Variants in RANBP3 observed in about 807,000 individuals in gnomAD.
RANBP3 encodes the protein ran-binding protein 3.
A neutral mutation model predicts 77.3 loss-of-function variants in RANBP3; 14 were observed. That is an observed-to-expected ratio of 0.18 (90% CI 0.12 to 0.28). RANBP3 has a LOEUF of 0.28. RANBP3 is among the 10% of genes least tolerant of loss of function. The pLI is 1.00. For synonymous variants in RANBP3, 315 were observed against 312.4 expected, an observed-to-expected ratio of 1.01 and a Z score of -0.09; for missense variants, 586 against 752.3, an observed-to-expected ratio of 0.78 and a Z score of 2.59.
chr19:5,947,313 C>CAA (rs74173074), intron 3 of RANBP3, among the ~76,000 whole-genome samples: 868 of 77,828 alleles, frequency 0.011, 11 homozygotes, highest in African/African-American at 0.035. Context: ...GACTCTGTCT[C>CAA]AAAAAAAAAA....
At chr19:5,955,414 T>A (rs1449576692) in intron 2 of RANBP3, among the ~76,000 whole-genome samples, 1 of 152,166 alleles carries the variant, frequency 6.6e-6, no homozygotes, top group Admixed American at 6.5e-5. Flanking sequence ...TACTTGCATT[T>A]TTAAAAATGC....
intron 5 of RANBP3, among the ~76,000 whole-genome samples, chr19:5,940,624 G>A (rs963906096): frequency 3.3e-5 from 5 of 152,220 alleles, no homozygotes; most frequent in East Asian, 1.9e-4. Flanking sequence ...TAACGCATGC[G>A]TGACTTCTGT....
At chr19:5,919,243 C>A (rs1237639988) in intron 14 of RANBP3, among the ~76,000 whole-genome samples, 1 of 152,232 alleles carries the variant, frequency 6.6e-6, no homozygotes, top group Non-Finnish European at 1.5e-5. Context: ...AGGGCCCTGA[C>A]TCTTCTAGAG....
chr19:5,939,879 C>T (rs1002283176), intron 5 of RANBP3, among the ~76,000 whole-genome samples: 5 of 152,244 alleles, frequency 3.3e-5, no homozygotes, highest in South Asian at 4.1e-4. Context: ...CAGGGGCAGC[C>T]GGCAGGGGAG....
Position 5,921,783 on chromosome 19 carries a change from G to A in RANBP3, c.1210-462C>T, listed in dbSNP as rs1336726464. Among the ~76,000 whole-genome samples, 7 of 152,222 alleles carry A rather than the reference G, an allele frequency of 4.6e-5. No individual in the cohort carries two copies. Among genetic ancestry groups the A allele is most frequent in the African/African-American group, 1.7e-4 (7 of 41,466 alleles). On this transcript the variant is annotated intron_variant, in intron 13 of 16. Transcript: ENST00000340578. The surrounding 1 kb of genome is among the most constrained non-coding windows in gnomAD (Gnocchi z 5.3). ...TCACACACAGATCGCACATGAACGT[G>A]CACAGCACCATCATTCACGGTAGCC...
intron 8 of RANBP3, among the ~76,000 whole-genome samples, chr19:5,929,249 C>T (rs910727911): frequency 1.3e-5 from 2 of 152,228 alleles, no homozygotes; most frequent in Admixed American, 6.5e-5. Flanking sequence ...CAAGAGTGAA[C>T]GTGGCTTTTT....
At chr19:5,942,342 G>A (rs1343678889) in intron 3 of RANBP3, among the ~76,000 whole-genome samples, 2 of 152,144 alleles carry the variant, frequency 1.3e-5, no homozygotes, top group Non-Finnish European at 2.9e-5. Flanking sequence ...CAAGAGCTTG[G>A]ATGTTTTGGA....
At chr19:5,971,068 G>A (rs1054333725) in intron 1 of RANBP3, among the ~76,000 whole-genome samples, 3 of 152,240 alleles carry the variant, frequency 2.0e-5, no homozygotes, top group Non-Finnish European at 4.4e-5. Context: ...TCCTGGTCTC[G>A]GGACCCTTTT....
intron 1 of RANBP3, among the ~76,000 whole-genome samples, chr19:5,964,164 C>T (rs1002906540): frequency 9.9e-5 from 15 of 152,208 alleles, no homozygotes; most frequent in African/African-American, 2.4e-4. Flanking sequence ...AGGACAGGGC[C>T]GGTGTCCTGG....
Position 5,941,853 on chromosome 19 carries a change from C to A in RANBP3, c.283-18G>T. The A allele has an allele frequency of 1.2e-6, 2 of 1,612,110 alleles. No individual in the cohort carries two copies. Among genetic ancestry groups the A allele is most frequent in the South Asian group, 1.1e-5 (1 of 90,988 alleles). ...GCTGACCTCTGAAACAAGGAGCACA[C>A]AGCCGGGGTCAGAGGGCATCAGGCT... is the stretch of plus-strand genomic sequence containing the variant. On this transcript the variant is annotated intron_variant, in intron 3 of 16. Transcript: ENST00000340578.
At chr19:5,944,053 A>G (rs2058172495) in intron 3 of RANBP3, among the ~76,000 whole-genome samples, 3 of 152,200 alleles carry the variant, frequency 2.0e-5, no homozygotes, top group Non-Finnish European at 4.4e-5. Context: ...CCTCACCTGG[A>G]AAACAGGGAT....
In RANBP3 at chr19:5,971,733, A is replaced by G. The variant is rs184272746; in HGVS notation, c.22+6328T>C. ...GACACTAAATCCTAAATTACAGACC[A>G]TGAGGTGCTTTATGCTAAGGTTCTA... On this transcript the variant is annotated intron_variant, in intron 1 of 16. Coordinates refer to ENST00000340578, the MANE Select transcript of RANBP3 (RefSeq NM_007322.3). Among the ~76,000 whole-genome samples, 5 of 152,338 alleles carry G rather than the reference A, an allele frequency of 3.3e-5. No homozygotes were observed. The East Asian group carries it at 9.6e-4, about 29-fold the overall frequency.
chr19:5,956,411 T>G (rs1269606629), intron 2 of RANBP3, among the ~76,000 whole-genome samples: 1 of 152,162 alleles, frequency 6.6e-6, no homozygotes, highest in South Asian at 2.1e-4. Context: ...GCCACGTCAT[T>G]AAGCTGTACT....
At position 5,956,020 on chromosome 19, in the gene RANBP3, T is replaced by C. The variant is rs576664560; in HGVS notation, c.78+1898A>G. ...CTACTCAGAAGGCTGAGGCGGGAGA[T>C]TGCTTGAAGCCAGGAGTTCAAGACT... On this transcript the variant is annotated intron_variant, in intron 2 of 16. Transcript: ENST00000340578. Among the ~76,000 whole-genome samples, 12 of 152,200 alleles carry C rather than the reference T, an allele frequency of 7.9e-5. 1 individual carries two copies. Among genetic ancestry groups the C allele is most frequent in the Non-Finnish European group, 1.0e-4 (7 of 68,016 alleles).
At chr19:5,964,021 C>T (rs374180619) in intron 1 of RANBP3, among the ~76,000 whole-genome samples, 6 of 152,316 alleles carry the variant, frequency 3.9e-5, no homozygotes, top group East Asian at 1.9e-4. Flanking sequence ...GGGAAGATGG[C>T]CTGGCCAGAA....
At chr19:5,940,788 G>A (rs929423646) in intron 5 of RANBP3, among the ~76,000 whole-genome samples, 19 of 152,252 alleles carry the variant, frequency 1.2e-4, no homozygotes. Flanking sequence ...CAGAGGCCAC[G>A]AGACAATGCC....
intron 5 of RANBP3, chr19:5,935,783 G>A (rs1262450861): frequency 4.4e-6 from 2 of 456,632 alleles, no homozygotes; most frequent in East Asian, 1.4e-4. Flanking sequence ...CCCTGTCACA[G>A]GCCCTGCTCC....
In RANBP3 at chr19:5,928,021, G is replaced by A; in HGVS notation, c.760C>T (p.Pro254Ser). 2 of 1,613,690 alleles carry A rather than the reference G, an allele frequency of 1.2e-6. No individual in the cohort carries two copies. The highest frequency in any genetic ancestry group is 8.5e-7 in the Non-Finnish European group (1 of 1,179,812). ...AATACAAAGGCTTGCTGTGTGGCGG[G>A]GTCTTTTTTCTCACAGGCTTCCTCT... ...SEEEACEKKD[P>S]ATQQAFVFGQ... Residue 254 changes from proline (P) to serine (S), a missense_variant, in exon 9 of 17, where the codon CCC (proline) becomes TCC (serine). By Grantham distance (74) the Pro-to-Ser change is moderately conservative. Transcript: ENST00000340578.
chr19:5,926,452 G>A (rs1270725269), intron 9 of RANBP3, among the ~76,000 whole-genome samples: 2 of 152,160 alleles, frequency 1.3e-5, no homozygotes, highest in East Asian at 1.9e-4. Context: ...TTGGGAGGCT[G>A]AGGCAGGAGA....
Sources: allele counts gnomAD v4.1 joint callset (sites outside exome capture counted in the v4.1 genomes callset), GRCh38; gene constraint gnomAD v4.1.1; non-coding constraint Gnocchi (gnomAD v3.1); transcripts MANE v1.5; gene names NCBI Gene and HGNC (gene_info 2026-07-23, HGNC 2026-07-21).